RPA1: variants seen among roughly 807,000 people sequenced by gnomAD.
RPA1 encodes replication protein A1.
A neutral mutation model predicts 83.0 loss-of-function variants in RPA1; 49 were observed. The ratio of observed to expected loss-of-function variants is 0.59; its 90% CI spans 0.47 to 0.75. The LOEUF (loss-of-function observed/expected upper bound fraction) is 0.75, where lower values mean the gene tolerates loss of function less well. Among genes scored for constraint, RPA1 ranks in the 30% least tolerant of loss-of-function variants. The probability of loss-of-function intolerance (pLI) is 0.00; values close to 1 mark genes in which losing one functional copy is unlikely to be tolerated. For missense variants in RPA1, 693 were observed against 776.1 expected, an observed-to-expected ratio of 0.89 and a Z score of 1.27; for synonymous variants, 279 against 281.8, an observed-to-expected ratio of 0.99 and a Z score of 0.10.
chr17:1,879,655 G>A lies in RPA1; in HGVS notation c.1048G>A (p.Asp350Asn), dbSNP rs767281115. 6.2e-7 allele frequency: 1 copy of A among 1,614,248 alleles called. No homozygotes were observed. Residue 350 changes from aspartate (D) to asparagine (N), a missense_variant, in exon 11 of 17, where the codon GAC (aspartate) becomes AAC (asparagine). Asp to Asn is a conservative substitution (Grantham distance 23, BLOSUM62 1). Coordinates refer to ENST00000254719, the MANE Select transcript of RPA1 (RefSeq NM_002945.5). ...TGCCAAGAGGAATATCTACTTGATG[G>A]ACACATCCGGGAAGGTGGTGACTGC... ...EVAKRNIYLM[D>N]TSGKVVTATL... is the part of the protein sequence containing the mutation.
rs75656763 is a variant in RPA1, at chr17:1,874,010, A to T, written c.454+1484A>T. 5.0e-3 allele frequency among the ~76,000 whole-genome samples: 505 copies of T among 100,752 alleles called. 5 individuals carry two copies. Among genetic ancestry groups the T allele is most frequent in the African/African-American group, 0.018 (372 of 20,512 alleles). The allele number at this position is 100,752 out of a possible 152,430, so 66.1% of individuals were successfully genotyped here. Reference sequence around the variant, plus strand: ...TCTGTCTCAAAAAAAAAAAAAAAAAAAAATATATATATATATATATATACA... The same window carrying T: ...TCTGTCTCAAAAAAAAAAAAAAAAATAAATATATATATATATATATATACA... On this transcript the variant is annotated intron_variant, in intron 6 of 16. Transcript: ENST00000254719.
rs374991782 is a variant in RPA1, at chr17:1,898,259, A to C, written c.*1084A>C. 7 of 152,204 alleles carry C rather than the reference A, an allele frequency of 4.6e-5. No homozygotes were observed. The highest frequency in any genetic ancestry group is 1.0e-4 in the Non-Finnish European group (7 of 68,044). The allele number at this position is 152,204 out of a possible 1,614,324, so 9.4% of individuals were successfully genotyped here. On this transcript the variant is annotated 3_prime_UTR_variant, in exon 17 of 17. Coordinates refer to ENST00000254719, the MANE Select transcript of RPA1 (RefSeq NM_002945.5). Reference sequence around the variant, plus strand: ...CTTTCAAAGCATGAAAACACTAAAAACAAAAAGCCATTTTGCCTGAGGATG... The same window carrying C: ...CTTTCAAAGCATGAAAACACTAAAACCAAAAAGCCATTTTGCCTGAGGATG...
chr17:1,870,345 C>T (rs1308012627), intron 5 of RPA1, among the ~76,000 whole-genome samples: 3 of 152,134 alleles, frequency 2.0e-5, no homozygotes, highest in Non-Finnish European at 4.4e-5. Context: ...TGTACTGTTA[C>T]ATTATGTACT....
chr17:1,853,903 CTATT>C (rs1372947695), intron 5 of RPA1, among the ~76,000 whole-genome samples: 3 of 152,178 alleles, frequency 2.0e-5, no homozygotes, highest in African/African-American at 7.2e-5. Context: ...AGAATTATCT[CTATT>C]TACTGCTAAG....
At chr17:1,870,648 G>A (rs1406531762) in intron 5 of RPA1, among the ~76,000 whole-genome samples, 1 of 152,134 alleles carries the variant, frequency 6.6e-6, no homozygotes, top group Non-Finnish European at 1.5e-5. Flanking sequence ...CCATTCTCTG[G>A]TGACCCCTCT....
intron 6 of RPA1, among the ~76,000 whole-genome samples, chr17:1,873,651 G>A (rs975124136): frequency 6.6e-6 from 1 of 151,876 alleles, no homozygotes; most frequent in Non-Finnish European, 1.5e-5. Flanking sequence ...CTCTTGCTCT[G>A]TCTCTCCTTT....
At position 1,892,773 on chromosome 17, in the gene RPA1, G is replaced by A. The variant is rs1051799232; in HGVS notation, c.1659+833G>A. 5.3e-5 allele frequency among the ~76,000 whole-genome samples: 8 copies of A among 152,158 alleles called. No homozygotes were observed. In the East Asian group the frequency reaches 9.6e-4, roughly 18 times the overall value. On this transcript the variant is annotated intron_variant, in intron 15 of 16. Coordinates refer to ENST00000254719, the MANE Select transcript of RPA1 (RefSeq NM_002945.5). Reference sequence around the variant, plus strand: ...AATTCTTATGCGGTGACTTTCTTCCGTAAGGTAACTTTGTCCATTTCATTT... The same window carrying A: ...AATTCTTATGCGGTGACTTTCTTCCATAAGGTAACTTTGTCCATTTCATTT...
intron 6 of RPA1, among the ~76,000 whole-genome samples, chr17:1,872,922 G>A (rs1037721134): frequency 3.3e-5 from 5 of 152,006 alleles, no homozygotes; most frequent in Admixed American, 2.6e-4. Context: ...GCAGTCCTCC[G>A]TCCTTGGCCT....
intron 1 of RPA1, among the ~76,000 whole-genome samples, chr17:1,839,675 C>T (rs1911966732): frequency 6.6e-6 from 1 of 151,376 alleles, no homozygotes; most frequent in Admixed American, 6.6e-5. Flanking sequence ...CTTAGTCATC[C>T]AAGCTGGAGT....
chr17:1,858,212 T>A (rs1912792855), intron 5 of RPA1: 1 of 1,613,816 alleles, frequency 6.2e-7, no homozygotes, highest in African/African-American at 1.3e-5. Flanking sequence ...GCTGTGTGGA[T>A]CAGTGCTGGC....
chr17:1,875,776 C>G lies in RPA1; in HGVS notation c.570C>G (p.Leu190=). 1 of 1,613,854 alleles carries G rather than the reference C, an allele frequency of 6.2e-7. No individual in the cohort carries two copies. The highest frequency in any genetic ancestry group is 8.5e-7 in the Non-Finnish European group (1 of 1,179,934). Residue 190 remains leucine (L), a synonymous_variant, in exon 7 of 17, where the codon CTC becomes CTG. Transcript: ENST00000254719. ...CCAAAGTGGTGCCCATTGCCAGCCT[C>G]ACTCCTTACCAGTCCAAGTGAGTTG... ...TQSKVVPIAS[L]TPYQSKWTIC...
intron 5 of RPA1, among the ~76,000 whole-genome samples, chr17:1,864,847 C>T (rs913722504): frequency 3.3e-5 from 5 of 152,188 alleles, no homozygotes; most frequent in Non-Finnish European, 7.3e-5. Flanking sequence ...TTGCAGTGAG[C>T]CGAGATTGTG....
intron 4 of RPA1, among the ~76,000 whole-genome samples, chr17:1,846,510 C>T (rs1446236350): frequency 2.6e-5 from 4 of 151,614 alleles, no homozygotes; most frequent in African/African-American, 4.8e-5. Flanking sequence ...TTAGTAGAGA[C>T]GGGGTTTCAC....
intron 1 of RPA1, among the ~76,000 whole-genome samples, chr17:1,833,561 A>C (rs1911699692): frequency 6.6e-6 from 1 of 152,254 alleles, no homozygotes; most frequent in Non-Finnish European, 1.5e-5. Context: ...AGACAAATTA[A>C]GAATGTTTCT....
chr17:1,892,251 C>T (rs959408087), intron 15 of RPA1, among the ~76,000 whole-genome samples: 9 of 152,260 alleles, frequency 5.9e-5, no homozygotes, highest in East Asian at 3.9e-4. Context: ...ATGATCTGCC[C>T]GCTTCAGCCA....
chr17:1,831,013 G>A (rs1911544834), intron 1 of RPA1, among the ~76,000 whole-genome samples: 1 of 152,014 alleles, frequency 6.6e-6, no homozygotes, highest in African/African-American at 2.4e-5. Flanking sequence ...TTATCCGCCC[G>A]CCTCGGCCTC....
At chr17:1,879,441 G>A in intron 10 of RPA1, 34 bp downstream of exon 10, 2 of 1,611,806 alleles carry the variant, frequency 1.2e-6, no homozygotes, top group Non-Finnish European at 1.7e-6. Flanking sequence ...GAGCAGGGAT[G>A]ACTAGCTTTC....
At chr17:1,841,136 A>G (rs1274429356) in intron 1 of RPA1, among the ~76,000 whole-genome samples, 1 of 152,140 alleles carries the variant, frequency 6.6e-6, no homozygotes, top group Admixed American at 6.6e-5. Context: ...TTCATTCTTC[A>G]GTTGTTTATT....
At chr17:1,880,020 G>T (rs1481640137) in intron 11 of RPA1, among the ~76,000 whole-genome samples, 1 of 145,694 alleles carries the variant, frequency 6.9e-6, no homozygotes, top group East Asian at 2.1e-4. Context: ...GGCGGAGGGG[G>T]CGTCTGTTCC....
Sources: gnomAD v4.1 joint callset for allele counts (sites outside exome capture counted in the v4.1 genomes callset) on GRCh38, gnomAD v4.1.1 for gene constraint, MANE v1.5 for transcripts, NCBI Gene and HGNC (gene_info 2026-07-23, HGNC 2026-07-21) for gene names.